Variants in B3GALT1 observed in about 807,000 individuals in gnomAD.
B3GALT1 encodes UDP-Gal:betaGlcNAc beta 1,3-galactosyltransferase, polypeptide 1.
Under a neutral mutation model 23.2 loss-of-function variants are expected in B3GALT1, and 10 were observed. The ratio of observed to expected loss-of-function variants is 0.43; its 90% CI spans 0.27 to 0.73. The LOEUF (loss-of-function observed/expected upper bound fraction) is 0.73. B3GALT1 is among the 30% of genes least tolerant of loss of function. The pLI is 0.21. For missense variants in B3GALT1, 299 were observed against 405.4 expected (o/e 0.74, Z 2.25); for synonymous variants, 156 against 141.5 (o/e 1.10, Z -0.73).
At chr2:167,315,649 T>C (rs1696704281) in intron 1 of B3GALT1, among the ~76,000 whole-genome samples, 2 of 152,168 alleles carry the variant, frequency 1.3e-5, no homozygotes, top group Admixed American at 1.3e-4. Context: ...ATGTATTTTC[T>C]CCCTCCTCTT....
At chr2:167,588,954 T>C (rs954537831) in intron 2 of B3GALT1, among the ~76,000 whole-genome samples, 3 of 100,954 alleles carry the variant, frequency 3.0e-5, no homozygotes, top group Non-Finnish European at 6.9e-5. Flanking sequence ...TCCCTCCTTG[T>C]TTTTTAGAGG....
chr2:167,347,823 A>G (rs1697248712), intron 1 of B3GALT1, among the ~76,000 whole-genome samples: 1 of 152,222 alleles, frequency 6.6e-6, no homozygotes, highest in South Asian at 2.1e-4. Flanking sequence ...GAAACAAAAC[A>G]ATTCACTTAC....
intron 2 of B3GALT1, among the ~76,000 whole-genome samples, chr2:167,621,514 C>T (rs1040862510): frequency 3.3e-5 from 5 of 152,028 alleles, no homozygotes; most frequent in Non-Finnish European, 1.5e-5. Context: ...CAAAGGAACT[C>T]CAAGAGCTTT....
At chr2:167,678,125 T>A (rs2105490052) in intron 3 of B3GALT1, among the ~76,000 whole-genome samples, 1 of 152,314 alleles carries the variant, frequency 6.6e-6, no homozygotes. Flanking sequence ...CCTACCCACC[T>A]TCTATCTGCT....
intron 2 of B3GALT1, among the ~76,000 whole-genome samples, chr2:167,602,007 T>C (rs962633461): frequency 2.6e-4 from 40 of 152,330 alleles, no homozygotes; most frequent in African/African-American, 8.9e-4. Context: ...AACAGAACAC[T>C]ACTTACAAAC....
chr2:167,323,805 C>T (rs1411677165), intron 1 of B3GALT1, among the ~76,000 whole-genome samples: 1 of 152,096 alleles, frequency 6.6e-6, no homozygotes, highest in Non-Finnish European at 1.5e-5. Context: ...CTTCTTAACT[C>T]AGTACTTCAT....
intron 3 of B3GALT1, among the ~76,000 whole-genome samples, chr2:167,743,487 T>C (rs1687606208): frequency 6.6e-6 from 1 of 152,114 alleles, no homozygotes; most frequent in Non-Finnish European, 1.5e-5. Flanking sequence ...TTTAAAAATA[T>C]ATTTGTGTGC....
At chr2:167,301,017 GA>G (rs1696435115) in intron 1 of B3GALT1, among the ~76,000 whole-genome samples, 3 of 152,152 alleles carry the variant, frequency 2.0e-5, no homozygotes, top group Admixed American at 2.0e-4. Flanking sequence ...GCTTCTTGAA[GA>G]AAGAGGCTCA....
At chr2:167,799,415 C>T (rs1286367144) in intron 3 of B3GALT1, among the ~76,000 whole-genome samples, 1 of 152,048 alleles carries the variant, frequency 6.6e-6, no homozygotes, top group Non-Finnish European at 1.5e-5. Context: ...GGCTTAGCTC[C>T]CTCTTATACG....
intron 3 of B3GALT1, among the ~76,000 whole-genome samples, chr2:167,729,466 T>A (rs1425199078): frequency 6.6e-6 from 1 of 152,102 alleles, no homozygotes; most frequent in Non-Finnish European, 1.5e-5. Context: ...AGCTCAGAGA[T>A]TGAGTGTTCA....
intron 1 of B3GALT1, among the ~76,000 whole-genome samples, chr2:167,442,777 C>A (rs533244408): frequency 3.8e-4 from 55 of 146,338 alleles, no homozygotes; most frequent in African/African-American, 1.3e-3. Flanking sequence ...GGATATTAGC[C>A]CTTTGTCAGA....
chr2:167,779,070 G>T lies in B3GALT1; in HGVS notation c.-351-39602G>T, dbSNP rs115751300. On this transcript the variant is annotated intron_variant, in intron 3 of 4. Transcript: ENST00000392690. ...GGAAGGAGGCTAGATCTATGCAGACGCACTCTACTGGAAAGCCCAGGAAAG... is the reference window on the plus strand; with the variant it reads ...GGAAGGAGGCTAGATCTATGCAGACTCACTCTACTGGAAAGCCCAGGAAAG... Among the ~76,000 whole-genome samples the T allele has an allele frequency of 4.6e-5, 7 of 152,234 alleles. 1 individual carries two copies. Among genetic ancestry groups the T allele is most frequent in the Non-Finnish European group, 4.4e-5 (3 of 68,016 alleles).
At chr2:167,317,111 C>CT (rs1322957122) in intron 1 of B3GALT1, among the ~76,000 whole-genome samples, 1 of 152,018 alleles carries the variant, frequency 6.6e-6, no homozygotes, top group Non-Finnish European at 1.5e-5. Context: ...GAGAACAGCT[C>CT]TAATTATTTC....
intron 2 of B3GALT1, among the ~76,000 whole-genome samples, chr2:167,638,953 C>A (rs1390073838): frequency 2.0e-5 from 3 of 151,928 alleles, no homozygotes; most frequent in Non-Finnish European, 4.4e-5. Context: ...AATTCTGTCC[C>A]ATCATTCTGT....
chr2:167,780,721 A>T (rs2105319269), intron 3 of B3GALT1, among the ~76,000 whole-genome samples: 1 of 152,336 alleles, frequency 6.6e-6, no homozygotes, highest in African/African-American at 2.4e-5. Context: ...CTGAAGTTTC[A>T]GGCATGGACT....
intron 1 of B3GALT1, among the ~76,000 whole-genome samples, chr2:167,337,896 AT>A (rs1047192964): frequency 3.9e-5 from 6 of 152,166 alleles, no homozygotes; most frequent in African/African-American, 1.4e-4. Context: ...ATTGGAACCA[AT>A]TCTCTGGATT....
intron 1 of B3GALT1, among the ~76,000 whole-genome samples, chr2:167,329,908 G>C (rs1199713055): frequency 6.6e-6 from 1 of 151,944 alleles, no homozygotes; most frequent in Non-Finnish European, 1.5e-5. Context: ...GTCTGATGGG[G>C]GTTAATTAAT....
intron 3 of B3GALT1, among the ~76,000 whole-genome samples, chr2:167,801,384 A>G (rs1404787102): frequency 2.6e-5 from 4 of 152,232 alleles, no homozygotes; most frequent in Non-Finnish European, 4.4e-5. Context: ...CATACTTTAA[A>G]TTTAAAGATC....
chr2:167,660,915 T>C (rs1170527867), intron 3 of B3GALT1, among the ~76,000 whole-genome samples: 1 of 152,150 alleles, frequency 6.6e-6, no homozygotes, highest in East Asian at 1.9e-4. Flanking sequence ...GAGAATTTCC[T>C]GGACTACCCT....
Sources: allele counts gnomAD v4.1 joint callset (sites outside exome capture counted in the v4.1 genomes callset), GRCh38; gene constraint gnomAD v4.1.1; transcripts MANE v1.5; gene names NCBI Gene and HGNC (gene_info 2026-07-23, HGNC 2026-07-21).